The following DTNB variants were observed in gnomAD, a reference collection of about 807,000 sequenced individuals.
DTNB encodes DTN-B.
A neutral mutation model predicts 90.7 loss-of-function variants in DTNB; 63 were observed. The ratio of observed to expected loss-of-function variants is 0.69; its 90% CI spans 0.57 to 0.86. The LOEUF (loss-of-function observed/expected upper bound fraction) is 0.86, where lower values mean the gene tolerates loss of function less well. Ranked by LOEUF, DTNB falls within the 40% of genes least tolerant of loss-of-function variation. The pLI, the probability that DTNB is intolerant of heterozygous loss-of-function variation, is 0.00. For synonymous variants in DTNB, 277 were observed against 286.7 expected (o/e 0.97, Z 0.34); for missense variants, 744 against 807.1 (o/e 0.92, Z 0.95).
intron 9 of DTNB, among the ~76,000 whole-genome samples, chr2:25,487,509 T>C (rs555313658): frequency 6.6e-6 from 1 of 152,226 alleles, no homozygotes; most frequent in African/African-American, 2.4e-5. Context: ...TCCATATCTG[T>C]GGGGGCTCCT....
At chr2:25,580,366 T>C (rs1309689909) in intron 7 of DTNB, among the ~76,000 whole-genome samples, 2 of 151,664 alleles carry the variant, frequency 1.3e-5, no homozygotes, top group Non-Finnish European at 2.9e-5. Context: ...ACTAAAAAGA[T>C]AAAAATTAAC....
At chr2:25,583,588 C>G (rs2061891523) in intron 6 of DTNB, among the ~76,000 whole-genome samples, 1 of 151,864 alleles carries the variant, frequency 6.6e-6, no homozygotes, top group African/African-American at 2.4e-5. Context: ...GTGGCGCAAC[C>G]TTGGCTCACT....
At chr2:25,410,383 TC>T (rs2046296140) in intron 16 of DTNB, among the ~76,000 whole-genome samples, 1 of 152,166 alleles carries the variant, frequency 6.6e-6, no homozygotes, top group African/African-American at 2.4e-5. Flanking sequence ...TCTTGTATCC[TC>T]GGACTCTTGT....
intron 1 of DTNB, 74 bp from the exon 2 acceptor site, chr2:25,652,735 G>T: frequency 6.7e-7 from 1 of 1,489,450 alleles, no homozygotes; most frequent in Non-Finnish European, 9.0e-7. Flanking sequence ...ATTCTATTGT[G>T]AAGAGGGACC....
chr2:25,588,809 T>TGTGA (rs2062952789), intron 6 of DTNB, among the ~76,000 whole-genome samples: 1 of 152,194 alleles, frequency 6.6e-6, no homozygotes, highest in African/African-American at 2.4e-5. Context: ...CAACTGCAAT[T>TGTGA]GTGAGGTATC....
chr2:25,606,881 A>G (rs2067228035), intron 5 of DTNB, among the ~76,000 whole-genome samples: 1 of 152,208 alleles, frequency 6.6e-6, no homozygotes, highest in African/African-American at 2.4e-5. Context: ...ACCAGACCGA[A>G]CTCAGTAAAA....
chr2:25,650,936 G>A (rs1043835673), intron 2 of DTNB, among the ~76,000 whole-genome samples: 13 of 151,870 alleles, frequency 8.6e-5, no homozygotes, highest in African/African-American at 2.7e-4. Context: ...ACTCCCGCCT[G>A]GGCGGCTGAG....
chr2:25,669,420 C>A (rs1390925643), intron 1 of DTNB, among the ~76,000 whole-genome samples: 1 of 151,940 alleles, frequency 6.6e-6, no homozygotes, highest in African/African-American at 2.4e-5. Context: ...TTGGAAGAAA[C>A]TCTAAGAATA....
intron 9 of DTNB, among the ~76,000 whole-genome samples, chr2:25,484,781 T>C (rs780802029): frequency 2.0e-5 from 3 of 152,214 alleles, no homozygotes; most frequent in Non-Finnish European, 2.9e-5. Flanking sequence ...TAGAAGTCAA[T>C]TCCAAGTTAT....
At chr2:25,650,340 G>T in intron 2 of DTNB, 1 of 595,332 alleles carries the variant, frequency 1.7e-6, no homozygotes, top group Non-Finnish European at 2.1e-6. Context: ...ATAGTGCCTG[G>T]AGCATAGCAG....
chr2:25,383,968 T>C, intron 18 of DTNB, 79 bp from the exon 19 acceptor site: 1 of 1,609,188 alleles, frequency 6.2e-7, no homozygotes, highest in Non-Finnish European at 8.5e-7. Flanking sequence ...AAGCAACTGC[T>C]GAGGCTTGGG....
Position 25,387,463 on chromosome 2 carries a change from G to T in DTNB, c.1736-85C>A. ...TGAGCAAATGCCTCAGTTCTGCCAG[G>T]CCCGAGAACACAGGTGTGGAACACC... On this transcript the variant is annotated intron_variant, in intron 17 of 20. Coordinates refer to ENST00000406818, the MANE Select transcript of DTNB (RefSeq NM_021907.5). The surrounding 1 kb of genome is among the most constrained non-coding windows in gnomAD (Gnocchi z 4.5). 1 of 1,306,530 alleles carries T rather than the reference G, an allele frequency of 7.7e-7. No homozygotes were observed. Among genetic ancestry groups the T allele is most frequent in the Non-Finnish European group, 1.1e-6 (1 of 925,352 alleles). The allele number at this position is 1,306,530 out of a possible 1,614,324, so 80.9% of individuals were successfully genotyped here.
At chr2:25,429,931 T>C (rs996512671) in intron 14 of DTNB, among the ~76,000 whole-genome samples, 3 of 152,140 alleles carry the variant, frequency 2.0e-5, no homozygotes, top group Non-Finnish European at 1.5e-5. Context: ...CCATAATTAT[T>C]TGGGGGGAAT....
At chr2:25,543,156 C>A (rs760922132) in intron 8 of DTNB, among the ~76,000 whole-genome samples, 1 of 151,996 alleles carries the variant, frequency 6.6e-6, no homozygotes, top group Non-Finnish European at 1.5e-5. Context: ...CCTTAAAATC[C>A]TTTTTCTAAG....
intron 4 of DTNB, among the ~76,000 whole-genome samples, chr2:25,618,442 C>G (rs2071433394): frequency 6.6e-6 from 1 of 152,218 alleles, no homozygotes; most frequent in Non-Finnish European, 1.5e-5. Context: ...CACATGTCCT[C>G]ACCAATGTCC....
chr2:25,652,905 A>AAGT (rs2081251284), intron 1 of DTNB: 6 of 354,598 alleles, frequency 1.7e-5, no homozygotes, highest in Non-Finnish European at 3.0e-5. Context: ...TACTGTGCTA[A>AAGT]AAATATGGGG....
At chr2:25,538,236 AATAT>A (rs936745105) in intron 8 of DTNB, among the ~76,000 whole-genome samples, 24 of 151,946 alleles carry the variant, frequency 1.6e-4, no homozygotes, top group South Asian at 2.1e-4. Context: ...AACAACAAAA[AATAT>A]ATATATATCC....
At chr2:25,585,878 G>A (rs1387693484) in intron 6 of DTNB, among the ~76,000 whole-genome samples, 1 of 152,126 alleles carries the variant, frequency 6.6e-6, no homozygotes, top group Non-Finnish European at 1.5e-5. Flanking sequence ...AACTGAAAGG[G>A]GCAGTCTTTC....
At chr2:25,597,255 C>T (rs1439490868) in intron 5 of DTNB, among the ~76,000 whole-genome samples, 1 of 151,714 alleles carries the variant, frequency 6.6e-6, no homozygotes, top group Non-Finnish European at 1.5e-5. Flanking sequence ...TGCTTGAGCC[C>T]AGGAGGTCAA....
Sources: allele counts gnomAD v4.1 joint callset (sites outside exome capture counted in the v4.1 genomes callset), GRCh38; gene constraint gnomAD v4.1.1; non-coding constraint Gnocchi (gnomAD v3.1); transcripts MANE v1.5; gene names NCBI Gene and HGNC (gene_info 2026-07-23, HGNC 2026-07-21).